The following ANKRD28 variants were observed in gnomAD, a reference collection of about 807,000 sequenced individuals.
ANKRD28 encodes serine/threonine-protein phosphatase 6 regulatory ankyrin repeat subunit A.
A neutral mutation model predicts 126.5 loss-of-function variants in ANKRD28; 44 were observed. The observed-to-expected ratio is 0.35, with a 90% CI of 0.27 to 0.45. The LOEUF (loss-of-function observed/expected upper bound fraction) is 0.45, where lower values mean the gene tolerates loss of function less well. ANKRD28 is among the 20% of genes least tolerant of loss of function. The probability of loss-of-function intolerance (pLI) is 1.00; values close to 1 mark genes in which losing one functional copy is unlikely to be tolerated. For missense variants in ANKRD28, 1,110 were observed against 1,316.6 expected (o/e 0.84, Z 2.43); for synonymous variants, 442 against 468.5 (o/e 0.94, Z 0.73).
intron 23 of ANKRD28, 121 bp downstream of exon 23, chr3:15,679,180 G>A: frequency 1.2e-6 from 1 of 864,968 alleles, no homozygotes; most frequent in Non-Finnish European, 1.9e-6. Flanking sequence ...ATGTTGACCA[G>A]GCTGGTCTTA....
At position 15,853,968 on chromosome 3, in the gene ANKRD28, A is replaced by G. The variant is rs1444141962; in HGVS notation, c.27+5409T>C. On this transcript the variant is annotated intron_variant, in intron 1 of 27. Transcript: ENST00000399451. This position sits in a 1 kb window ranked among gnomAD's most constrained non-coding sequence, Gnocchi z 4.2. ...TTTTGCCTAGTACTTAATGTTCTCG[A>G]TCTGTACTAAAATATTTTACGTATG... is the stretch of plus-strand genomic sequence containing the variant. Among the ~76,000 whole-genome samples, 1 of 152,140 alleles carries G rather than the reference A, an allele frequency of 6.6e-6. No homozygotes were observed. The highest frequency in any genetic ancestry group is 1.5e-5 in the Non-Finnish European group (1 of 68,028).
At chr3:15,823,820 A>G (rs571900923) in intron 1 of ANKRD28, among the ~76,000 whole-genome samples, 1 of 152,332 alleles carries the variant, frequency 6.6e-6, no homozygotes, top group East Asian at 1.9e-4. Flanking sequence ...AAACATTATA[A>G]TCTCAACTGA....
chr3:15,773,295 G>T (rs1207991190), intron 2 of ANKRD28, among the ~76,000 whole-genome samples: 1 of 152,076 alleles, frequency 6.6e-6, no homozygotes, highest in Non-Finnish European at 1.5e-5. Context: ...AGAGAAAGAA[G>T]GAAAATAAAT....
intron 6 of ANKRD28, among the ~76,000 whole-genome samples, chr3:15,727,764 G>C (rs1474295700): frequency 6.6e-6 from 1 of 152,026 alleles, no homozygotes; most frequent in Non-Finnish European, 1.5e-5. Context: ...ATAAGAAGTG[G>C]AGTCTGAAGA....
chr3:15,799,448 A>G (rs1023960063), upstream of ANKRD28, among the ~76,000 whole-genome samples: 2 of 152,070 alleles, frequency 1.3e-5, no homozygotes, highest in African/African-American at 2.4e-5. Context: ...TGTACCAATT[A>G]AAACATGCTA....
intron 1 of ANKRD28, among the ~76,000 whole-genome samples, chr3:15,858,662 G>A (rs964813235): frequency 3.3e-5 from 5 of 152,134 alleles, no homozygotes; most frequent in African/African-American, 1.2e-4. Context: ...TAAAAGAGGG[G>A]GAAAATGTTT....
intron 3 of ANKRD28, 45 bp downstream of exon 3, chr3:15,766,189 C>T: frequency 6.9e-7 from 1 of 1,449,746 alleles, no homozygotes; most frequent in Non-Finnish European, 9.5e-7. Context: ...TTAAGAATAA[C>T]AAAAATATAC....
chr3:15,765,070 T>A (rs1467959721), intron 3 of ANKRD28, among the ~76,000 whole-genome samples: 1 of 152,154 alleles, frequency 6.6e-6, no homozygotes, highest in Non-Finnish European at 1.5e-5. Flanking sequence ...CTACTACTAA[T>A]CCAATTTCAT....
At chr3:15,697,587 C>T (rs527449310) in intron 14 of ANKRD28, among the ~76,000 whole-genome samples, 18 of 152,028 alleles carry the variant, frequency 1.2e-4, no homozygotes, top group South Asian at 4.2e-4. Context: ...AGCCTTGCAT[C>T]CCAGGGATGA....
rs188038518 is a variant in ANKRD28 at position 15,741,469 on chromosome 3, A to T, written c.352-4236T>A. ...ACAAAAAACATTATTATAGTAATCT[A>T]AATTCTAAATTTTCAGTTATTAGAG... On this transcript the variant is annotated intron_variant, in intron 4 of 27. Coordinates refer to ENST00000683139, the MANE Select transcript of ANKRD28 (RefSeq NM_001349278.2). Among the ~76,000 whole-genome samples the T allele has an allele frequency of 3.0e-3, 457 of 152,264 alleles. 1 individual carries two copies. Among genetic ancestry groups the T allele is most frequent in the Non-Finnish European group, 4.9e-3 (332 of 68,014 alleles).
intron 17 of ANKRD28, 135 bp downstream of exon 17, chr3:15,694,604 C>T: frequency 1.9e-6 from 1 of 533,062 alleles, no homozygotes; most frequent in Non-Finnish European, 3.1e-6. Context: ...AAAGAAAGTT[C>T]TCAAAGTTTT....
rs758735034 is a variant in ANKRD28, at chr3:15,814,259, C to T, written c.28-18953G>A. 8.3e-5 allele frequency: 105 copies of T among 1,260,822 alleles called. No homozygotes were observed. The highest frequency in any genetic ancestry group is 1.0e-4 in the Non-Finnish European group (98 of 979,370). 78.1% of individuals were successfully genotyped at this position (1,260,822 alleles called of 1,614,324 possible). On this transcript the variant is annotated intron_variant, in intron 1 of 27. Transcript: ENST00000399451. The surrounding 1 kb of genome is among the most constrained non-coding windows in gnomAD (Gnocchi z 4.7). ...ACCTACCATAATAGGAATTCCCATACTATTTTCCTCTGGTGGAGGCAGTTG... is the reference window on the plus strand; with the variant it reads ...ACCTACCATAATAGGAATTCCCATATTATTTTCCTCTGGTGGAGGCAGTTG...
At chr3:15,739,222 G>A (rs1450603137) in intron 4 of ANKRD28, among the ~76,000 whole-genome samples, 2 of 152,156 alleles carry the variant, frequency 1.3e-5, no homozygotes, top group Admixed American at 6.5e-5. Context: ...GTAAAGACAG[G>A]CATAGGAAAT....
chr3:15,785,883 T>C (rs1391654796), intron 2 of ANKRD28, among the ~76,000 whole-genome samples: 1 of 151,760 alleles, frequency 6.6e-6, no homozygotes, highest in Non-Finnish European at 1.5e-5. Context: ...ACCAAGCCAT[T>C]AAAAAAACAT....
rs375931701 is a variant in ANKRD28 at position 15,737,029 on chromosome 3, C to T, written c.552+4G>A. On this transcript the variant is annotated splice_donor_region_variant and intron_variant, in intron 5 of 27. Coordinates refer to ENST00000683139, the MANE Select transcript of ANKRD28 (RefSeq NM_001349278.2). ...AAATAATGGTCTAATTGAATGCCACCTACCTCACCATGTCCACTGAAAGCT... is the reference window on the plus strand; with the variant it reads ...AAATAATGGTCTAATTGAATGCCACTTACCTCACCATGTCCACTGAAAGCT... The T allele has an allele frequency of 3.7e-6, 6 of 1,613,652 alleles. No homozygotes were observed. The highest frequency in any genetic ancestry group is 5.1e-6 in the Non-Finnish European group (6 of 1,179,768).
chr3:15,685,262 G>C lies in ANKRD28; in HGVS notation c.2353C>G (p.His785Asp). ...GCCCAGTGAAGTGCCGTATATCCAT[G>C]ATTGTCTGCTGTGGCTGGATTTGCA... The part of the protein sequence containing the change: ...MDANPATADN[H>D]GYTALHWACY... Residue 785 changes from histidine (H) to aspartate (D), a missense_variant, in exon 21 of 28, where the codon CAT (histidine) becomes GAT (aspartate). His to Asp is a moderately conservative substitution (Grantham distance 81, BLOSUM62 -1). Coordinates refer to ENST00000683139, the MANE Select transcript of ANKRD28 (RefSeq NM_001349278.2). The C allele has an allele frequency of 1.2e-6, 2 of 1,613,982 alleles. No individual in the cohort carries two copies. Among genetic ancestry groups the C allele is most frequent in the Non-Finnish European group, 1.7e-6 (2 of 1,179,868 alleles).
intron 4 of ANKRD28, among the ~76,000 whole-genome samples, chr3:15,748,677 A>G (rs2057646859): frequency 6.6e-6 from 1 of 152,146 alleles, no homozygotes; most frequent in African/African-American, 2.4e-5. Flanking sequence ...CCTAGGTGAT[A>G]ATCTTTCTGT....
At chr3:15,834,120 G>C (rs771323393) in intron 1 of ANKRD28, among the ~76,000 whole-genome samples, 7 of 151,816 alleles carry the variant, frequency 4.6e-5, no homozygotes, top group Non-Finnish European at 1.0e-4. Flanking sequence ...TTGAGGACTT[G>C]GTTATAAATT....
intron 2 of ANKRD28, among the ~76,000 whole-genome samples, chr3:15,777,599 T>G (rs2059340000): frequency 1.3e-5 from 2 of 152,198 alleles, no homozygotes. Context: ...ATGATGAGTT[T>G]ATTATCTTTT....
Sources: allele counts gnomAD v4.1 joint callset (sites outside exome capture counted in the v4.1 genomes callset), GRCh38; gene constraint gnomAD v4.1.1; non-coding constraint Gnocchi (gnomAD v3.1); transcripts MANE v1.5; gene names NCBI Gene and HGNC (gene_info 2026-07-23, HGNC 2026-07-21).